Variants in CTSH observed in about 807,000 individuals in gnomAD.
CTSH encodes the protein cathepsin H, also known as pro-cathepsin H.
In CTSH, 52 loss-of-function variants were observed where a neutral mutation model predicts 56.3. That is an observed-to-expected ratio of 0.92 (90% confidence interval 0.74 to 1.16). CTSH has a LOEUF of 1.16. CTSH is among the 50% of genes most tolerant of loss of function. CTSH has a pLI of 0.00. For synonymous variants in CTSH, 174 were observed against 155.7 expected (o/e 1.12, Z -0.88); for missense variants, 406 against 424.5 (o/e 0.96, Z 0.38).
chr15:78,939,175 T>TGA lies in CTSH; in HGVS notation c.92-5_92-4insTC. 2.7e-6 allele frequency: 4 copies of TGA among 1,489,246 alleles called. No homozygotes were observed. The highest frequency in any genetic ancestry group is 2.0e-5 in the Admixed American group (1 of 49,804). 92.3% of individuals were successfully genotyped at this position (1,489,246 alleles called of 1,614,324 possible). On this transcript the variant is annotated splice_region_variant and splice_polypyrimidine_tract_variant and intron_variant, in intron 1 of 11. Transcript: ENST00000220166. ...CATGACTTGAAGTGAAACTTCTCTG[T>TGA]AAAAAGAAAAAAAAAATTAGGTCTG...
In CTSH at chr15:78,931,474, G is replaced by A. The variant is rs370135610; in HGVS notation, c.525C>T (p.Asp175=). The A allele has an allele frequency of 6.2e-6, 10 of 1,614,114 alleles. No homozygotes were observed. The highest frequency in any genetic ancestry group is 8.5e-6 in the Non-Finnish European group (10 of 1,180,056). ...AEQQLVDCAQ[D]FNNHGCQGGL... ...ACCCTTGGCAGCCGTGATTATTGAAGTCCTGGGCGCAGTCCACCAGCTGCT... is the reference window on the plus strand; with the variant it reads ...ACCCTTGGCAGCCGTGATTATTGAAATCCTGGGCGCAGTCCACCAGCTGCT... Residue 175 remains aspartate, a synonymous_variant, in exon 7 of 12, where the codon GAC becomes GAT. Coordinates refer to ENST00000220166, the MANE Select transcript of CTSH (RefSeq NM_004390.5).
intron 9 of CTSH, chr15:78,926,163 G>C (rs1312302130): frequency 6.6e-6 from 1 of 152,410 alleles, no homozygotes; most frequent in Non-Finnish European, 1.5e-5. Flanking sequence ...CTGAAATGAG[G>C]GGGGAAGTTA....
intron 5 of CTSH, among the ~76,000 whole-genome samples, chr15:78,933,282 T>G (rs1048842301): frequency 2.0e-5 from 3 of 152,234 alleles, no homozygotes; most frequent in Non-Finnish European, 4.4e-5. Context: ...TTGGCTTCAT[T>G]GCTTGTAAAG....
At chr15:78,932,555 C>G (rs966534903) in intron 5 of CTSH, 97 bp from the exon 6 acceptor site, 12 of 899,922 alleles carry the variant, frequency 1.3e-5, no homozygotes, top group Admixed American at 6.2e-5. Context: ...CCAGAGCTCC[C>G]GAGTCCCCAG....
chr15:78,932,251 C>A, intron 6 of CTSH, 121 bp downstream of exon 6: 1 of 895,418 alleles, frequency 1.1e-6, no homozygotes, highest in Non-Finnish European at 1.7e-6. Context: ...AAGGCTGGGG[C>A]ATCTGGGTCC....
At chr15:78,932,018 C>T (rs1438745323) in intron 6 of CTSH, 4 of 1,181,352 alleles carry the variant, frequency 3.4e-6, no homozygotes, top group Admixed American at 4.0e-5. Flanking sequence ...CCCGGCTCTT[C>T]CCTCATGAAG....
At chr15:78,926,617 T>C (rs1327016816) in intron 9 of CTSH, 1 of 152,254 alleles carries the variant, frequency 6.6e-6, no homozygotes, top group Non-Finnish European at 1.5e-5. Context: ...AGCAGCAACA[T>C]TCTGAAGAGG....
At position 78,944,932 on chromosome 15, in the gene CTSH, A is replaced by C; in HGVS notation, c.50T>G (p.Val17Gly). The change falls in exon 1 of 12, where the codon GTC becomes GGC. Residue 17 changes from valine to glycine, a missense_variant. Physicochemically the swap from Val to Gly is moderately radical, Grantham distance 109. Coordinates refer to ENST00000220166, the MANE Select transcript of CTSH (RefSeq NM_004390.5). Reference protein sequence around the residue: ...LLCAGAWLLGVPVCGAAELCV... With the variant: ...LLCAGAWLLGGPVCGAAELCV... ...CAGTTCGGCGGCACCGCAGACGGGG[A>C]CTCCCAGGAGCCAGGCCCCGGCGCA... 3 of 1,547,634 alleles carry C rather than the reference A, an allele frequency of 1.9e-6. No homozygotes were observed. The highest frequency in any genetic ancestry group is 2.6e-6 in the Non-Finnish European group (3 of 1,145,816).
chr15:78,923,318 C>T (rs554841418), intron 10 of CTSH, among the ~76,000 whole-genome samples, 200 bp from the exon 11 acceptor site: 1 of 152,272 alleles, frequency 6.6e-6, no homozygotes, highest in African/African-American at 2.4e-5. Context: ...GAGACGGAGT[C>T]TCACTCTGTT....
chr15:78,923,397 C>T (rs2054821689), intron 10 of CTSH, among the ~76,000 whole-genome samples: 1 of 152,224 alleles, frequency 6.6e-6, no homozygotes. Flanking sequence ...TCAAACGATT[C>T]TCCTGCCTCA....
chr15:78,922,982 G>T lies in CTSH; in HGVS notation c.932+11C>A. Reference sequence around the variant, plus strand: ...TCCCCCTCCCAGAAGTGGGACCTGGGAGCTGCTTACCCGTTCATTCCCCAC... The same window carrying T: ...TCCCCCTCCCAGAAGTGGGACCTGGTAGCTGCTTACCCGTTCATTCCCCAC... On this transcript the variant is annotated intron_variant, in intron 11 of 11. Transcript: ENST00000220166. 6.2e-7 allele frequency: 1 copy of T among 1,602,314 alleles called. No individual in the cohort carries two copies. The highest frequency in any genetic ancestry group is 8.5e-7 in the Non-Finnish European group (1 of 1,176,850).
In CTSH at chr15:78,934,973, C is replaced by A. The variant is rs1214883756; in HGVS notation, c.405+5G>T. 1.3e-6 allele frequency: 2 copies of A among 1,597,690 alleles called. No individual in the cohort carries two copies. The highest frequency in any genetic ancestry group is 2.2e-5 in the South Asian group (2 of 90,802). The stretch of plus-strand genomic sequence containing the variant: ...CAGGGAGAGGATGGAGATTGCCAGG[C>A]ATACCTGATTTTTCACAGGTGAGAC... On this transcript the variant is annotated splice_donor_5th_base_variant and intron_variant, in intron 5 of 11. Transcript: ENST00000220166.
intron 1 of CTSH, among the ~76,000 whole-genome samples, chr15:78,944,291 AC>A (rs1226445859): frequency 2.0e-5 from 3 of 152,214 alleles, no homozygotes. Flanking sequence ...ACGAAGCTGG[AC>A]CAGTCGCAGC....
chr15:78,940,019 G>A (rs1024937683), intron 1 of CTSH, among the ~76,000 whole-genome samples: 5 of 152,206 alleles, frequency 3.3e-5, no homozygotes, highest in South Asian at 4.1e-4. Flanking sequence ...CTGCCCCTGC[G>A]GCTCAGAGAC....
chr15:78,921,254 CGGA>C lies in CTSH; in HGVS notation c.*873_*875del, dbSNP rs2054765198. The stretch of plus-strand genomic sequence containing the variant: ...CTTGTTCTACAGACATCCCAGAGCC[CGGA>C]GGCTTCAGGAAGCAGCAGCAACTTC... On this transcript the variant is annotated 3_prime_UTR_variant, in exon 12 of 12. Transcript: ENST00000220166. 6.6e-6 allele frequency: 1 copy of C among 152,066 alleles called. No homozygotes were observed. Among genetic ancestry groups the C allele is most frequent in the African/African-American group, 2.4e-5 (1 of 41,376 alleles). 9.4% of individuals were successfully genotyped at this position (152,066 alleles called of 1,614,324 possible).
chr15:78,931,429 C>G, intron 7 of CTSH, 22 bp downstream of exon 7: 1 of 1,614,130 alleles, frequency 6.2e-7, no homozygotes, highest in Non-Finnish European at 8.5e-7. Context: ...AAGTTTTGGG[C>G]CCCTTCTGGT....
At position 78,927,707 on chromosome 15, in the gene CTSH, A is replaced by G; in HGVS notation, c.699+6T>C. 6.2e-7 allele frequency: 1 copy of G among 1,613,826 alleles called. No homozygotes were observed. ...TTCCCCATCCCAGAGGGGGATCGGC[A>G]CTCACGATTGTGATGTTGGCTACAT... On this transcript the variant is annotated splice_donor_region_variant and intron_variant, in intron 9 of 11. Transcript: ENST00000220166.
At chr15:78,936,180 C>CTTTTTTTTT (rs66819363) in intron 3 of CTSH, among the ~76,000 whole-genome samples, 9 of 90,810 alleles carry the variant, frequency 9.9e-5, no homozygotes, top group African/African-American at 1.5e-4. Context: ...CTTTTCTTTT[C>CTTTTTTTTT]TTTTTTTTTT....
At position 78,922,070 on chromosome 15, in the gene CTSH, C is replaced by T; in HGVS notation, c.*60G>A. 6.7e-7 allele frequency: 1 copy of T among 1,489,462 alleles called. No homozygotes were observed. The highest frequency in any genetic ancestry group is 9.1e-7 in the Non-Finnish European group (1 of 1,093,658). The allele number at this position is 1,489,462 out of a possible 1,614,324, so 92.3% of individuals were successfully genotyped here. On this transcript the variant is annotated 3_prime_UTR_variant, in exon 12 of 12. Transcript: ENST00000220166. ...ACTTCCTCCAGGGCAGGATTTCCACCCAGGCCCAGGCTGCCCGTTCCTCTC... is the reference window on the plus strand; with the variant it reads ...ACTTCCTCCAGGGCAGGATTTCCACTCAGGCCCAGGCTGCCCGTTCCTCTC...
Sources: gnomAD v4.1 joint callset for allele counts (sites outside exome capture counted in the v4.1 genomes callset) on GRCh38, gnomAD v4.1.1 for gene constraint, MANE v1.5 for transcripts, NCBI Gene and HGNC (gene_info 2026-07-23, HGNC 2026-07-21) for gene names.